Variants in EIF5B observed in about 807,000 individuals in gnomAD.
EIF5B encodes the protein eIF-5B.
EIF5B carries 47 observed loss-of-function variants against 147.5 expected under a neutral mutation model. The observed-to-expected ratio is 0.32, with a 90% confidence interval of 0.25 to 0.41. The LOEUF (loss-of-function observed/expected upper bound fraction) is 0.41. EIF5B is among the 10% of genes least tolerant of loss of function. The probability of loss-of-function intolerance (pLI) is 1.00; values close to 1 mark genes in which losing one functional copy is unlikely to be tolerated. For synonymous variants in EIF5B, 455 were observed against 456.2 expected, an observed-to-expected ratio of 1.00 and a Z score of 0.03; for missense variants, 1,064 against 1,413.2, an observed-to-expected ratio of 0.75 and a Z score of 3.96.
At chr2:99,386,326 T>G (rs1674805106) in intron 14 of EIF5B, among the ~76,000 whole-genome samples, 1 of 152,214 alleles carries the variant, frequency 6.6e-6, no homozygotes, top group South Asian at 2.1e-4. Flanking sequence ...CCTTTGTTCT[T>G]TATTAGATTG....
Position 99,361,695 on chromosome 2 carries a change from A to T in EIF5B, c.794A>T (p.Asp265Val). The T allele has an allele frequency of 6.2e-7, 1 of 1,601,986 alleles. No homozygotes were observed. Among genetic ancestry groups the T allele is most frequent in the Non-Finnish European group, 8.5e-7 (1 of 1,177,284 alleles). ...EKEELETGKKDQSKQKESQRK... is the reference protein window; with the variant it reads ...EKEELETGKKVQSKQKESQRK... ...GAAGAGTTAGAAACAGGTAAAAAGG[A>T]TCAGAGTAAACAAAAGGAATCTCAA... Residue 265 changes from aspartate (D) to valine (V), a missense_variant, in exon 4 of 24, where the codon GAT becomes GTT. Coordinates refer to ENST00000289371, the MANE Select transcript of EIF5B (RefSeq NM_015904.4).
intron 8 of EIF5B, among the ~76,000 whole-genome samples, chr2:99,370,107 G>A (rs568432278): frequency 2.0e-5 from 3 of 152,258 alleles, no homozygotes; most frequent in Non-Finnish European, 2.9e-5. Flanking sequence ...CAAATTGGAA[G>A]GATTTTTAAC....
At chr2:99,382,968 A>T in intron 14 of EIF5B, 47 bp downstream of exon 14, 1 of 1,521,184 alleles carries the variant, frequency 6.6e-7, no homozygotes, top group Non-Finnish European at 8.8e-7. Context: ...ATGTTTCTTA[A>T]TTTTTTGTGA....
intron 14 of EIF5B, among the ~76,000 whole-genome samples, chr2:99,384,197 A>AAAAAAAAAAAC: frequency 2.6e-5 from 1 of 38,296 alleles, no homozygotes; most frequent in African/African-American, 1.6e-4. Flanking sequence ...ACTCCGTCTC[A>AAAAAAAAAAAC]AAAAAAAAAA....
At chr2:99,362,213 A>G (rs1674230872) in intron 4 of EIF5B, among the ~76,000 whole-genome samples, 1 of 152,222 alleles carries the variant, frequency 6.6e-6, no homozygotes, top group Non-Finnish European at 1.5e-5. Context: ...TTCACAAAGA[A>G]ATGTTTTCAT....
intron 8 of EIF5B, chr2:99,371,133 G>A (rs902743756): frequency 2.6e-5 from 4 of 152,112 alleles, no homozygotes; most frequent in African/African-American, 9.7e-5. Flanking sequence ...TTAATATGTT[G>A]GCAGTAGTAG....
intron 3 of EIF5B, 92 bp from the exon 4 acceptor site, chr2:99,361,056 G>T: frequency 8.6e-7 from 1 of 1,160,048 alleles, no homozygotes. Context: ...AAATCATTTT[G>T]AGATTTTTAA....
intron 1 of EIF5B, among the ~76,000 whole-genome samples, chr2:99,346,466 T>C (rs1031726621): frequency 2.0e-5 from 3 of 152,100 alleles, no homozygotes; most frequent in Admixed American, 1.3e-4. Context: ...ACTATACAAG[T>C]TAGGTGGGGA....
chr2:99,359,189 C>T (rs896402411), intron 1 of EIF5B, among the ~76,000 whole-genome samples: 9 of 148,160 alleles, frequency 6.1e-5, no homozygotes, highest in Middle Eastern at 3.4e-3. Flanking sequence ...GGTGAAACCC[C>T]GTCTCTACTT....
At chr2:99,378,055 C>G (rs1025734640) in intron 10 of EIF5B, among the ~76,000 whole-genome samples, 1 of 152,150 alleles carries the variant, frequency 6.6e-6, no homozygotes, top group Non-Finnish European at 1.5e-5. Flanking sequence ...GTTGTATGTA[C>G]TGTGAGGTTG....
chr2:99,365,518 A>G (rs1674307304), intron 6 of EIF5B, among the ~76,000 whole-genome samples: 2 of 152,230 alleles, frequency 1.3e-5, no homozygotes, highest in Non-Finnish European at 1.5e-5. Flanking sequence ...GTTAGCATTC[A>G]TACATCAGAT....
intron 10 of EIF5B, 83 bp downstream of exon 10, chr2:99,376,719 A>G: frequency 6.7e-7 from 1 of 1,482,086 alleles, no homozygotes; most frequent in African/African-American, 1.4e-5. Flanking sequence ...AAAGGCTTTG[A>G]ACAGCACTTT....
intron 1 of EIF5B, among the ~76,000 whole-genome samples, chr2:99,359,253 C>G (rs1161987542): frequency 1.3e-5 from 2 of 151,696 alleles, no homozygotes; most frequent in Non-Finnish European, 2.9e-5. Flanking sequence ...CCTGTAGTCC[C>G]AGCTACTCGG....
chr2:99,390,636 A>G lies in EIF5B; in HGVS notation c.2679A>G (p.Val893=), dbSNP rs1419694025. The change falls in exon 17 of 24, where the codon GTA becomes GTG. Residue 893 remains valine, a synonymous_variant. Coordinates refer to ENST00000289371, the MANE Select transcript of EIF5B (RefSeq NM_015904.4). ...KEGDTIIVPG[V]EGPIVTQIRG... ...GAGATACAATCATTGTTCCTGGAGT[A>G]GAAGGGCCCATTGTAACTCAGATTC... 1 of 1,612,890 alleles carries G rather than the reference A, an allele frequency of 6.2e-7. No homozygotes were observed. Among genetic ancestry groups the G allele is most frequent in the Non-Finnish European group, 8.5e-7 (1 of 1,178,952 alleles).
intron 17 of EIF5B, among the ~76,000 whole-genome samples, chr2:99,391,987 G>A (rs1674947255): frequency 6.6e-6 from 1 of 151,260 alleles, no homozygotes; most frequent in East Asian, 1.9e-4. Flanking sequence ...TCTCCCCAAA[G>A]TGCTGGGATT....
rs369323449 is a variant in EIF5B, at chr2:99,401,268, A to C, written c.*1854A>C. 14 of 1,611,990 alleles carry C rather than the reference A, an allele frequency of 8.7e-6. No individual in the cohort carries two copies. Among genetic ancestry groups the C allele is most frequent in the Non-Finnish European group, 1.2e-5 (14 of 1,178,086 alleles). ...ATGTAACTTTTAATGTGCTTCCATA[A>C]GTTTGTTGTAAAACCACCTGGACAT... is the stretch of plus-strand genomic sequence containing the variant. On this transcript the variant is annotated 3_prime_UTR_variant, in exon 24 of 24. Transcript: ENST00000289371.
chr2:99,360,997 C>A, intron 3 of EIF5B, 151 bp from the exon 4 acceptor site: 1 of 874,496 alleles, frequency 1.1e-6, no homozygotes, highest in Non-Finnish European at 1.6e-6. Context: ...ACCTCTCTTG[C>A]TTGTTTGAAT....
chr2:99,390,585 C>T lies in EIF5B; in HGVS notation c.2628C>T (p.Ile876=). 6.2e-7 allele frequency: 1 copy of T among 1,612,912 alleles called. No individual in the cohort carries two copies. The highest frequency in any genetic ancestry group is 8.5e-7 in the Non-Finnish European group (1 of 1,179,040). Residue 876 remains isoleucine, a synonymous_variant, in exon 17 of 24, where the codon ATC becomes ATT. Transcript: ENST00000289371. ...GGATGGGCACCACTATAGATGTCAT[C>T]TTGATCAATGGGCGTTTGAAGGAAG... ...LPGMGTTIDV[I]LINGRLKEGD...
chr2:99,368,666 TG>T, intron 7 of EIF5B, 75 bp downstream of exon 7: 3 of 1,183,734 alleles, frequency 2.5e-6, no homozygotes, highest in Admixed American at 2.4e-5. Context: ...AAACAGTGTC[TG>T]TAAAGAAGAA....
Sources: allele counts gnomAD v4.1 joint callset (sites outside exome capture counted in the v4.1 genomes callset), GRCh38; gene constraint gnomAD v4.1.1; transcripts MANE v1.5; gene names NCBI Gene and HGNC (gene_info 2026-07-23, HGNC 2026-07-21).